The following PCDHGA3 variants were observed in gnomAD, a reference collection of about 807,000 sequenced individuals.
PCDHGA3 encodes the protein protocadherin gamma subfamily A, 3.
In PCDHGA3, 40 loss-of-function variants were observed where a neutral mutation model predicts 58.5. The ratio of observed to expected loss-of-function variants is 0.68; its 90% CI spans 0.53 to 0.89. The LOEUF (loss-of-function observed/expected upper bound fraction) is 0.89, where lower values mean the gene tolerates loss of function less well. Ranked by LOEUF, PCDHGA3 falls within the 40% of genes least tolerant of loss-of-function variation. PCDHGA3 has a pLI of 0.00. For synonymous variants in PCDHGA3, 530 were observed against 525.7 expected, an observed-to-expected ratio of 1.01 and a Z score of -0.11; for missense variants, 1,223 against 1,195.9, an observed-to-expected ratio of 1.02 and a Z score of -0.33.
chr5:141,385,404 G>C, intron 1 of PCDHGA3: 1 of 1,482,648 alleles, frequency 6.7e-7, no homozygotes, highest in Non-Finnish European at 8.9e-7. Context: ...CAAATGTTTT[G>C]AAAATAGGGA....
chr5:141,364,176 C>T, intron 1 of PCDHGA3: 2 of 835,076 alleles, frequency 2.4e-6, no homozygotes, highest in East Asian at 6.0e-5. Context: ...CGACTCTGCT[C>T]CCTCCATACT....
intron 1 of PCDHGA3, chr5:141,410,121 A>G (rs1239244343): frequency 1.9e-6 from 3 of 1,612,642 alleles, no homozygotes; most frequent in Non-Finnish European, 2.5e-6. Flanking sequence ...GCAGCCCGCC[A>G]GCGCCTGCTG....
At chr5:141,374,635 C>T (rs759050511) in intron 1 of PCDHGA3, 1 of 1,613,044 alleles carries the variant, frequency 6.2e-7, no homozygotes, top group Non-Finnish European at 8.5e-7. Flanking sequence ...ACGTGCAAAG[C>T]GAAGCCCATG....
chr5:141,365,408 T>C, intron 1 of PCDHGA3: 1 of 1,614,004 alleles, frequency 6.2e-7, no homozygotes, highest in Non-Finnish European at 8.5e-7. Flanking sequence ...CTCTGAAGAC[T>C]GTCTTCCCGG....
Position 141,485,633 on chromosome 5 carries a change from T to C in PCDHGA3, c.2425-9174T>C. 2 of 1,611,808 alleles carry C rather than the reference T, an allele frequency of 1.2e-6. No homozygotes were observed. Among genetic ancestry groups the C allele is most frequent in the South Asian group, 1.1e-5 (1 of 90,962 alleles). On this transcript the variant is annotated intron_variant, in intron 1 of 3. Coordinates refer to ENST00000253812, the MANE Select transcript of PCDHGA3 (RefSeq NM_018916.4). The surrounding 1 kb of genome is among the most constrained non-coding windows in gnomAD (Gnocchi z 5.7). Reference sequence around the variant, plus strand: ...AGCTCCTCCAGGACAGCGTTTCCCGTTGGAAAAGGCTCAGGATGCAGATGT... The same window carrying C: ...AGCTCCTCCAGGACAGCGTTTCCCGCTGGAAAAGGCTCAGGATGCAGATGT...
intron 1 of PCDHGA3, chr5:141,393,681 C>G (rs2092820491): frequency 1.2e-6 from 2 of 1,613,772 alleles, no homozygotes; most frequent in Non-Finnish European, 1.7e-6. Context: ...AAAACAAACT[C>G]CGTTATTCCA....
At chr5:141,415,257 T>G in intron 1 of PCDHGA3, 1 of 1,614,170 alleles carries the variant, frequency 6.2e-7, no homozygotes, top group Non-Finnish European at 8.5e-7. Flanking sequence ...CAGACCTCAC[T>G]CTGTACCTGG....
intron 1 of PCDHGA3, chr5:141,394,519 C>T: frequency 6.2e-7 from 1 of 1,614,240 alleles, no homozygotes; most frequent in Non-Finnish European, 8.5e-7. Flanking sequence ...GCCCTCCCCA[C>T]AGACGGTTCC....
chr5:141,507,397 AC>A (rs1163501030), intron 3 of PCDHGA3: 1 of 152,144 alleles, frequency 6.6e-6, no homozygotes. Flanking sequence ...TGGCAACTCT[AC>A]CCCAGATGTC....
chr5:141,413,599 C>G, intron 1 of PCDHGA3: 2 of 1,613,830 alleles, frequency 1.2e-6, no homozygotes, highest in East Asian at 2.2e-5. Flanking sequence ...AGCAGAAAAT[C>G]TAGACGTAAA....
intron 1 of PCDHGA3, chr5:141,423,769 CATAT>C (rs2096780943): frequency 8.2e-7 from 1 of 1,219,458 alleles, no homozygotes; most frequent in South Asian, 2.2e-5. Context: ...GGTGGGGCGG[CATAT>C]ATTTAGTTCA....
chr5:141,382,652 G>A, intron 1 of PCDHGA3: 1 of 410,070 alleles, frequency 2.4e-6, no homozygotes, highest in Non-Finnish European at 4.3e-6. Flanking sequence ...AACTTAGTAA[G>A]GACTCACAGC....
chr5:141,511,728 A>C lies in PCDHGA3; in HGVS notation c.*555A>C, dbSNP rs904031366. 2.2e-5 allele frequency: 4 copies of C among 177,940 alleles called. No homozygotes were observed. The highest frequency in any genetic ancestry group is 7.0e-5 in the African/African-American group (3 of 42,626). 11.0% of individuals were successfully genotyped at this position (177,940 alleles called of 1,614,324 possible). ...TCACCTCCTTCCAGAGCCCAAGATC[A>C]ATGCTCAAGTTTTGGAGGACATGAT... On this transcript the variant is annotated 3_prime_UTR_variant, in exon 4 of 4. Coordinates refer to ENST00000253812, the MANE Select transcript of PCDHGA3 (RefSeq NM_018916.4).
At chr5:141,509,599 A>G (rs964564148) in intron 3 of PCDHGA3, among the ~76,000 whole-genome samples, 6 of 152,158 alleles carry the variant, frequency 3.9e-5, no homozygotes, top group African/African-American at 1.4e-4. Context: ...CAATTCCGAG[A>G]GGCTGCATTC....
At chr5:141,375,758 G>A in intron 1 of PCDHGA3, 1 of 1,614,230 alleles carries the variant, frequency 6.2e-7, no homozygotes. Context: ...GAATGACAAT[G>A]CGCCCGAGAT....
intron 1 of PCDHGA3, among the ~76,000 whole-genome samples, chr5:141,445,263 C>T (rs1170484721): frequency 1.3e-5 from 2 of 152,152 alleles, no homozygotes; most frequent in African/African-American, 2.4e-5. Context: ...GAATATAAGT[C>T]GAAACCACTC....
chr5:141,366,186 T>C, intron 1 of PCDHGA3: 1 of 1,613,974 alleles, frequency 6.2e-7, no homozygotes, highest in Non-Finnish European at 8.5e-7. Context: ...CTCTTTGCGG[T>C]TGGGCTGCAC....
At chr5:141,350,380 C>A in intron 1 of PCDHGA3, 1 of 1,589,508 alleles carries the variant, frequency 6.3e-7, no homozygotes, top group Admixed American at 1.7e-5. Flanking sequence ...AGGAGCTAGC[C>A]AACGGCTCAC....
chr5:141,410,517 C>A, intron 1 of PCDHGA3: 1 of 1,613,926 alleles, frequency 6.2e-7, no homozygotes, highest in Non-Finnish European at 8.5e-7. Context: ...TGCAGTGTGC[C>A]CCTACATTCC....
Sources: allele counts gnomAD v4.1 joint callset (sites outside exome capture counted in the v4.1 genomes callset), GRCh38; gene constraint gnomAD v4.1.1; non-coding constraint Gnocchi (gnomAD v3.1); transcripts MANE v1.5; gene names NCBI Gene and HGNC (gene_info 2026-07-23, HGNC 2026-07-21).